Variants in FRYL observed in about 807,000 individuals in gnomAD.
FRYL encodes the protein protein furry homolog-like.
A neutral mutation model predicts 351.2 loss-of-function variants in FRYL; 150 were observed. The observed-to-expected ratio is 0.43, with a 90% confidence interval of 0.37 to 0.49. The LOEUF (loss-of-function observed/expected upper bound fraction) is 0.49, where lower values mean the gene tolerates loss of function less well. Ranked by LOEUF, FRYL falls within the 20% of genes least tolerant of loss-of-function variation. The pLI is 0.00. For synonymous variants in FRYL, 1,153 were observed against 1,257.1 expected, an observed-to-expected ratio of 0.92 and a Z score of 1.75; for missense variants, 3,036 against 3,619.3, an observed-to-expected ratio of 0.84 and a Z score of 4.13.
intron 1 of FRYL, among the ~76,000 whole-genome samples, chr4:48,750,758 G>C (rs1773173472): frequency 6.6e-6 from 1 of 152,180 alleles, no homozygotes; most frequent in Non-Finnish European, 1.5e-5. Context: ...TGGGGATCAA[G>C]AGTTCAATTT....
chr4:48,725,752 T>C (rs1381113231), intron 1 of FRYL, among the ~76,000 whole-genome samples: 1 of 152,202 alleles, frequency 6.6e-6, no homozygotes, highest in Non-Finnish European at 1.5e-5. Context: ...TTAACAATGG[T>C]CCCAAAGCAC....
chr4:48,633,697 T>TA (rs1753698925), intron 4 of FRYL, among the ~76,000 whole-genome samples: 1 of 152,322 alleles, frequency 6.6e-6, no homozygotes, highest in South Asian at 2.1e-4. Context: ...TTACTTCTGT[T>TA]ATTTCTCTTA....
chr4:48,691,188 T>G (rs1765644068), intron 2 of FRYL, among the ~76,000 whole-genome samples: 1 of 152,226 alleles, frequency 6.6e-6, no homozygotes, highest in Non-Finnish European at 1.5e-5. Context: ...GCCTCTAAAA[T>G]GTTTATGATC....
chr4:48,764,479 C>T (rs1333137312), intron 1 of FRYL, among the ~76,000 whole-genome samples: 6 of 149,318 alleles, frequency 4.0e-5, no homozygotes, highest in Non-Finnish European at 3.0e-5. Flanking sequence ...TCCAGTGAGC[C>T]ATGATCATGC....
intron 1 of FRYL, among the ~76,000 whole-genome samples, chr4:48,763,072 C>A (rs1774570467): frequency 8.0e-6 from 1 of 124,304 alleles, no homozygotes; most frequent in Admixed American, 9.6e-5. Context: ...ATGACTTTCC[C>A]CAAACAACAA....
At chr4:48,632,129 T>TATATATATGC (rs1287765191) in intron 4 of FRYL, among the ~76,000 whole-genome samples, 4 of 108,678 alleles carry the variant, frequency 3.7e-5, no homozygotes, top group African/African-American at 1.4e-4. Flanking sequence ...TATATATATA[T>TATATATATGC]GCGCACACAA....
chr4:48,511,824 T>A (rs1722545202), intron 57 of FRYL, among the ~76,000 whole-genome samples: 1 of 152,010 alleles, frequency 6.6e-6, no homozygotes, highest in Non-Finnish European at 1.5e-5. Flanking sequence ...TGGGCAAAAT[T>A]TGGGAGGAGA....
In FRYL at chr4:48,602,082, G is replaced by C; in HGVS notation, c.973C>G (p.Gln325Glu). The C allele has an allele frequency of 1.9e-6, 3 of 1,601,566 alleles. No homozygotes were observed. The highest frequency in any genetic ancestry group is 2.6e-6 in the Non-Finnish European group (3 of 1,169,368). Residue 325 changes from glutamine (Q) to glutamate (E), a missense_variant, in exon 13 of 64, where the codon CAG (glutamine) becomes GAG (glutamate). Physicochemically the swap from Gln to Glu is conservative, Grantham distance 29. This residue lies in a region of FRYL where 457 missense variants were observed against 566.6 expected (regional missense o/e 0.81). Transcript: ENST00000358350. Reference sequence around the variant, plus strand: ...CAGTTATTTAAAAAAAATTGTTTCTGACTGACACATAAAAGGCAGGTAATT... The same window carrying C: ...CAGTTATTTAAAAAAAATTGTTTCTCACTGACACATAAAAGGCAGGTAATT... ...PLITCLLCVSQKQFFLNNWHI... is the reference protein window; with the variant it reads ...PLITCLLCVSEKQFFLNNWHI...
chr4:48,530,853 T>C (rs535760229), intron 50 of FRYL, among the ~76,000 whole-genome samples: 1 of 152,320 alleles, frequency 6.6e-6, no homozygotes, highest in African/African-American at 2.4e-5. Flanking sequence ...CATACTCCCC[T>C]AGCACTTTTA....
intron 45 of FRYL, 31 bp downstream of exon 45, chr4:48,541,996 C>T (rs1295764460): frequency 2.1e-6 from 3 of 1,455,218 alleles, no homozygotes; most frequent in African/African-American, 1.4e-5. Context: ...CAAGTTCTCT[C>T]TATATTAGGT....
Position 48,777,642 on chromosome 4 carries a change from GAT to G in FRYL, c.-384+2434_-384+2435del, listed in dbSNP as rs1414840214. Among the ~76,000 whole-genome samples the G allele has an allele frequency of 3.3e-5, 5 of 152,312 alleles. No homozygotes were observed. The South Asian group carries it at 1.0e-3, about 32-fold the overall frequency. ...GGAAATACAGTCTAGATATTTCAAA[GAT>G]AATTATTTCTGAATGTTTTATTCAT... is the stretch of plus-strand genomic sequence containing the variant. On this transcript the variant is annotated intron_variant, in intron 1 of 63. Transcript: ENST00000358350.
intron 3 of FRYL, among the ~76,000 whole-genome samples, chr4:48,644,561 G>GA (rs1193927326): frequency 6.9e-6 from 1 of 144,660 alleles, no homozygotes; most frequent in African/African-American, 2.5e-5. Context: ...GGCAAAATTA[G>GA]AAGGAAAAAG....
chr4:48,612,745 ATT>A lies in FRYL; in HGVS notation c.412-2924_412-2923del, dbSNP rs34297450. 4.5e-3 allele frequency among the ~76,000 whole-genome samples: 622 copies of A among 139,286 alleles called. 4 individuals are homozygous for A. The highest frequency in any genetic ancestry group is 0.012 in the African/African-American group (465 of 37,442). The allele number at this position is 139,286 out of a possible 152,430, so 91.4% of individuals were successfully genotyped here. On this transcript the variant is annotated intron_variant, in intron 7 of 63. Transcript: ENST00000358350. ...AGGCGCCTGCCACCATGCCTGGCTA[ATT>A]TTTTTTTTTTTTTTTGTATTTTTAG... is the stretch of plus-strand genomic sequence containing the variant.
chr4:48,567,352 G>A lies in FRYL; in HGVS notation c.3065C>T (p.Thr1022Ile), dbSNP rs1199895785. ...NNTLLEYVDL[T>I]RQLLEAENEK... ...ATTTTCTGCTTCCAGGAGTTGTCTA[G>A]TTAAATCTACATATTCCAATAAAGT... is the stretch of plus-strand genomic sequence containing the variant. Residue 1022 changes from threonine to isoleucine, a missense_variant, in exon 28 of 64, where the codon ACT becomes ATT. Thr to Ile is a moderately conservative substitution (Grantham distance 89, BLOSUM62 -1). Transcript: ENST00000358350. The surrounding 1 kb of genome is among the most constrained non-coding windows in gnomAD (Gnocchi z 4.2). 2 of 1,612,238 alleles carry A rather than the reference G, an allele frequency of 1.2e-6. No homozygotes were observed. Among genetic ancestry groups the A allele is most frequent in the Admixed American group, 3.3e-5 (2 of 59,904 alleles).
In FRYL at chr4:48,505,606, C is replaced by T. The variant is rs1163155488; in HGVS notation, c.8404G>A (p.Asp2802Asn). 3 of 1,603,984 alleles carry T rather than the reference C, an allele frequency of 1.9e-6. No homozygotes were observed. Among genetic ancestry groups the T allele is most frequent in the East Asian group, 2.2e-5 (1 of 44,750 alleles). The change falls in exon 60 of 64, where the codon GAT becomes AAT. Residue 2802 changes from aspartate (D) to asparagine (N), a missense_variant. This residue lies in a region of FRYL where 1,987 missense variants were observed against 2,311.7 expected (regional missense o/e 0.86). Coordinates refer to ENST00000358350, the MANE Select transcript of FRYL (RefSeq NM_015030.2). ...TTGGCACCAAATGTCCTCTTACAATCATCTAGCCACTAAAAATAAGTAACA... is the reference window on the plus strand; with the variant it reads ...TTGGCACCAAATGTCCTCTTACAATTATCTAGCCACTAAAAATAAGTAACA... ...KREAAEQWLDDCKRTFGAKED... is the reference protein window; with the variant it reads ...KREAAEQWLDNCKRTFGAKED...
rs1054712843 is a variant in FRYL at position 48,570,871 on chromosome 4, T to C, written c.2952A>G (p.Val984=). The change falls in exon 27 of 64, where the codon GTA becomes GTG. Residue 984 remains valine (V), a synonymous_variant. Coordinates refer to ENST00000358350, the MANE Select transcript of FRYL (RefSeq NM_015030.2). ...CATCTGCCAGCAGTTCAAATATTCG[T>C]ACCAGTTGTACTCGTAAAATGTCTC... ...RRRDILRVQL[V]RIFELLADAG... The C allele has an allele frequency of 8.7e-6, 14 of 1,613,874 alleles. No individual in the cohort carries two copies. Among genetic ancestry groups the C allele is most frequent in the Non-Finnish European group, 1.1e-5 (13 of 1,179,854 alleles).
At chr4:48,642,219 C>A (rs114111895) in intron 3 of FRYL, among the ~76,000 whole-genome samples, 1 of 152,028 alleles carries the variant, frequency 6.6e-6, no homozygotes, top group Non-Finnish European at 1.5e-5. Flanking sequence ...TATGTATTCA[C>A]CATCTTCAGC....
At chr4:48,727,996 G>T (rs777827215) in intron 1 of FRYL, among the ~76,000 whole-genome samples, 1 of 152,056 alleles carries the variant, frequency 6.6e-6, no homozygotes, top group South Asian at 2.1e-4. Flanking sequence ...TCTAATCAGA[G>T]GACTATAGAA....
chr4:48,747,978 G>A (rs189628394), intron 1 of FRYL, among the ~76,000 whole-genome samples: 2 of 152,334 alleles, frequency 1.3e-5, no homozygotes, highest in East Asian at 1.9e-4. Flanking sequence ...AGGCGTGGTG[G>A]CTCACGCCTG....
Sources: allele counts gnomAD v4.1 joint callset (sites outside exome capture counted in the v4.1 genomes callset), GRCh38; gene constraint gnomAD v4.1.1; regional missense constraint gnomAD v4.1.1; non-coding constraint Gnocchi (gnomAD v3.1); transcripts MANE v1.5; gene names NCBI Gene and HGNC (gene_info 2026-07-23, HGNC 2026-07-21).